Variants in UROS observed in about 807,000 individuals in gnomAD.
UROS encodes uroporphyrinogen-III synthase.
In UROS, 18 loss-of-function variants were observed where a neutral mutation model predicts 33.0. The observed-to-expected ratio is 0.55, with a 90% CI of 0.38 to 0.81. UROS has a LOEUF of 0.81. UROS is among the 30% of genes least tolerant of loss of function. UROS has a pLI of 0.00. For missense variants in UROS, 293 were observed against 314.9 expected (o/e 0.93, Z 0.53); for synonymous variants, 114 against 121.1 (o/e 0.94, Z 0.38).
chr10:125,799,994 C>G (rs1482444103), intron 6 of UROS, among the ~76,000 whole-genome samples: 3 of 152,172 alleles, frequency 2.0e-5, no homozygotes, highest in African/African-American at 7.2e-5. Context: ...AGCTCAAAGG[C>G]TCTGCTCTCC....
In UROS at chr10:125,816,708, C is replaced by T. The variant is rs397515349; in HGVS notation, c.-26-183G>A. On this transcript the variant is annotated intron_variant, in intron 1 of 9. Coordinates refer to ENST00000368797, the MANE Select transcript of UROS (RefSeq NM_000375.3). ...CTGAAGACCCCTGTCACTGATAAGG[C>T]CAAGAAAGAGCATGTTAGCAGTTGA... 4 of 627,568 alleles carry T rather than the reference C, an allele frequency of 6.4e-6. No homozygotes were observed. Among genetic ancestry groups the T allele is most frequent in the Non-Finnish European group, 1.1e-5 (4 of 355,554 alleles). The allele number at this position is 627,568 out of a possible 1,614,324, so 38.9% of individuals were successfully genotyped here. A position where few individuals can be genotyped will look rare whatever the true frequency, so the allele number is the denominator to read the frequency against.
chr10:125,817,425 C>T (rs999064096), intron 1 of UROS, among the ~76,000 whole-genome samples: 1 of 151,128 alleles, frequency 6.6e-6, no homozygotes, highest in African/African-American at 2.4e-5. Context: ...TACCTTCTCC[C>T]TTCTCTAAGG....
chr10:125,823,234 C>T lies in UROS; in HGVS notation c.-232G>A, dbSNP rs886046815. 14 of 242,488 alleles carry T rather than the reference C, an allele frequency of 5.8e-5. No homozygotes were observed. The highest frequency in any genetic ancestry group is 9.6e-5 in the Non-Finnish European group (12 of 125,200). 15.0% of individuals were successfully genotyped at this position (242,488 alleles called of 1,614,324 possible). On this transcript the variant is annotated 5_prime_UTR_variant, in exon 1 of 10. Transcript: ENST00000368797. ...CAGACTGGGGTCGCGTGGGTGGCTGCGCGCAGCTAGGCGCTCGCGCATGCG... is the reference window on the plus strand; with the variant it reads ...CAGACTGGGGTCGCGTGGGTGGCTGTGCGCAGCTAGGCGCTCGCGCATGCG...
chr10:125,822,870 C>A (rs1186330472), intron 1 of UROS, among the ~76,000 whole-genome samples, 159 bp downstream of exon 1: 2 of 152,236 alleles, frequency 1.3e-5, no homozygotes, highest in African/African-American at 2.4e-5. Context: ...CCGTCACCGG[C>A]GCAGCGGTAG....
chr10:125,790,624 C>T (rs1850854181), intron 9 of UROS, among the ~76,000 whole-genome samples: 2 of 151,294 alleles, frequency 1.3e-5, no homozygotes, highest in African/African-American at 4.9e-5. Context: ...GCCTGGCCAA[C>T]ATGGTGAAAC....
Position 125,810,777 on chromosome 10 carries a change from C to T in UROS, c.319+1437G>A, listed in dbSNP as rs1354979636. Among the ~76,000 whole-genome samples, 3 of 152,306 alleles carry T rather than the reference C, an allele frequency of 2.0e-5. No individual in the cohort carries two copies. The East Asian group carries it at 5.8e-4, about 29-fold the overall frequency. On this transcript the variant is annotated intron_variant, in intron 5 of 9. Transcript: ENST00000368797. ...ACCTACTCAAAAGAGCTCCTTTGTA[C>T]ATTATTATATCTGAAAAGGTGAGCT...
chr10:125,798,013 C>G, intron 7 of UROS, 52 bp downstream of exon 7: 1 of 1,604,164 alleles, frequency 6.2e-7, no homozygotes, highest in Admixed American at 1.7e-5. Flanking sequence ...ACTGCAAAGG[C>G]TCCTGGTGGA....
downstream of UROS, among the ~76,000 whole-genome samples, chr10:125,786,269 C>T (rs1850631411): frequency 1.3e-5 from 2 of 151,634 alleles, no homozygotes; most frequent in South Asian, 4.2e-4. Context: ...TGTACATTTG[C>T]ACATGAACCT....
At chr10:125,816,665 C>T in intron 1 of UROS, 140 bp from the exon 2 acceptor site, 2 of 782,142 alleles carry the variant, frequency 2.6e-6, no homozygotes, top group Non-Finnish European at 4.3e-6. Flanking sequence ...TGACTTAGCA[C>T]TAATGGGCTT....
chr10:125,794,963 T>C lies in UROS; in HGVS notation c.577A>G (p.Ile193Val), dbSNP rs1183649961. 6 of 1,614,218 alleles carry C rather than the reference T, an allele frequency of 3.7e-6. No homozygotes were observed. The highest frequency in any genetic ancestry group is 5.1e-6 in the Non-Finnish European group (6 of 1,180,026). Residue 193 changes from isoleucine (I) to valine (V), a missense_variant, in exon 9 of 10, where the codon ATC becomes GTC. Coordinates refer to ENST00000368797, the MANE Select transcript of UROS (RefSeq NM_000375.3). ...YYSQQGVPAS[I>V]TFFSPSGLTY... is the part of the protein sequence containing the mutation. The stretch of plus-strand genomic sequence containing the variant: ...AGGCCAGAGGGACTAAAAAATGTGA[T>C]GCTGGCTGGAACCCCCTGTGGGGAA...
chr10:125,814,334 G>A (rs1589998573), intron 4 of UROS, among the ~76,000 whole-genome samples: 2 of 152,318 alleles, frequency 1.3e-5, no homozygotes, highest in East Asian at 3.9e-4. Flanking sequence ...TAACTGTGGA[G>A]GTGGGTGGCC....
At chr10:125,803,575 T>A (rs1016587401) in intron 6 of UROS, among the ~76,000 whole-genome samples, 1 of 152,216 alleles carries the variant, frequency 6.6e-6, no homozygotes, top group South Asian at 2.1e-4. Flanking sequence ...CCTAATCCAG[T>A]GACTGCCTTT....
At position 125,807,448 on chromosome 10, in the gene UROS, C is replaced by T. The variant is rs896676120; in HGVS notation, c.359G>A (p.Gly120Glu). 2 of 1,613,986 alleles carry T rather than the reference C, an allele frequency of 1.2e-6. No homozygotes were observed. Among genetic ancestry groups the T allele is most frequent in the African/African-American group, 2.7e-5 (2 of 74,922 alleles). Residue 120 changes from glycine (G) to glutamate (E), a missense_variant, in exon 6 of 10, where the codon GGA (glycine) becomes GAA (glutamate). Physicochemically the swap from Gly to Glu is moderately conservative, Grantham distance 98 (BLOSUM62 -2). Coordinates refer to ENST00000368797, the MANE Select transcript of UROS (RefSeq NM_000375.3). The part of the protein sequence containing the change: ...IGLDTEGETC[G>E]NAEKLAEYIC... ...ATATTCTGCAAGCTTTTCTGCATTT[C>T]CACAGGTTTCTCCTTCTGTATCCAG... is the stretch of plus-strand genomic sequence containing the variant.
At chr10:125,786,507 G>A (rs535516375), downstream of UROS, among the ~76,000 whole-genome samples, 9 of 151,940 alleles carry the variant, frequency 5.9e-5, no homozygotes, top group East Asian at 1.9e-4. Flanking sequence ...CTCCTGATCC[G>A]CCCGCCTCAG....
intron 5 of UROS, among the ~76,000 whole-genome samples, chr10:125,810,332 G>A (rs1852694182): frequency 6.6e-6 from 1 of 152,168 alleles, no homozygotes; most frequent in Admixed American, 6.5e-5. Flanking sequence ...TTGCGACAGG[G>A]GACGCCAGCT....
chr10:125,807,413 T>G lies in UROS; in HGVS notation c.394A>C (p.Arg132=), dbSNP rs749317989. 1 of 1,613,908 alleles carries G rather than the reference T, an allele frequency of 6.2e-7. No homozygotes were observed. Among genetic ancestry groups the G allele is most frequent in the East Asian group, 2.2e-5 (1 of 44,876 alleles). ...AEKLAEYICS[R]ESSALPLLFP... ...TTTGGAGTGATGTTTTTCTACTTAC[T>G]GGAACAAATATATTCTGCAAGCTTT... is the stretch of plus-strand genomic sequence containing the variant. The change falls in exon 6 of 10, where the codon AGG becomes CGG. Residue 132 remains arginine, a splice_region_variant and synonymous_variant. Coordinates refer to ENST00000368797, the MANE Select transcript of UROS (RefSeq NM_000375.3).
intron 5 of UROS, among the ~76,000 whole-genome samples, chr10:125,808,486 G>A (rs552557006): frequency 4.8e-4 from 73 of 152,128 alleles, no homozygotes; most frequent in Non-Finnish European, 9.7e-4. Flanking sequence ...AGAGCTAAAC[G>A]CATCAAAAAC....
chr10:125,810,970 G>C (rs1219108541), intron 5 of UROS, among the ~76,000 whole-genome samples: 2 of 152,154 alleles, frequency 1.3e-5, no homozygotes, highest in Non-Finnish European at 2.9e-5. Context: ...GAATAAACAG[G>C]GACCAGACTG....
In UROS at chr10:125,807,163, A is replaced by G. The variant is rs1016262546; in HGVS notation, c.394+250T>C. The G allele has an allele frequency of 2.3e-5, 12 of 523,268 alleles. No homozygotes were observed. In the East Asian group the frequency reaches 3.1e-4, roughly 14 times the overall value. The allele number at this position is 523,268 out of a possible 1,614,324, so 32.4% of individuals were successfully genotyped here. A position where few individuals can be genotyped will look rare whatever the true frequency, so the allele number is the denominator to read the frequency against. ...ATCTCTCCACTGTTTTTATCTCCCA[A>G]ATGTTTTATTTTGTGTTATGTTCAA... On this transcript the variant is annotated intron_variant, in intron 6 of 9. Transcript: ENST00000368797.
Sources: gnomAD v4.1 joint callset for allele counts (sites outside exome capture counted in the v4.1 genomes callset) on GRCh38, gnomAD v4.1.1 for gene constraint, MANE v1.5 for transcripts, NCBI Gene and HGNC (gene_info 2026-07-23, HGNC 2026-07-21) for gene names.